The following TSPAN9 variants were observed in gnomAD, a reference collection of about 807,000 sequenced individuals.
TSPAN9 encodes tetraspanin 9, also known as tetraspanin-9.
TSPAN9 carries 16 observed loss-of-function variants against 31.0 expected under a neutral mutation model. The ratio of observed to expected loss-of-function variants is 0.52; its 90% CI spans 0.35 to 0.78. The LOEUF (loss-of-function observed/expected upper bound fraction) is 0.78, where lower values mean the gene tolerates loss of function less well. Among genes scored for constraint, TSPAN9 ranks in the 30% least tolerant of loss-of-function variants. TSPAN9 has a pLI of 0.01. For missense variants in TSPAN9, 272 were observed against 312.5 expected (o/e 0.87, Z 0.98); for synonymous variants, 145 against 121.6 (o/e 1.19, Z -1.27).
chr12:3,196,657 C>G (rs1208018162), intron 2 of TSPAN9, among the ~76,000 whole-genome samples: 1 of 152,160 alleles, frequency 6.6e-6, no homozygotes, highest in Non-Finnish European at 1.5e-5. Flanking sequence ...GATGGGACTT[C>G]ACTACAGCTT....
At chr12:3,086,145 G>C (rs1023139957) in intron 2 of TSPAN9, among the ~76,000 whole-genome samples, 2 of 152,174 alleles carry the variant, frequency 1.3e-5, no homozygotes, top group Non-Finnish European at 2.9e-5. Context: ...ATATCTGCCT[G>C]GAGCAGGTTA....
chr12:3,081,808 T>TTGTGTGTGTG lies in TSPAN9; in HGVS notation c.-84-1827_-84-1818dup, dbSNP rs985080707. Among the ~76,000 whole-genome samples the TTGTGTGTGTG allele has an allele frequency of 1.9e-4, 11 of 58,462 alleles. 1 individual carries two copies. Among genetic ancestry groups the TTGTGTGTGTG allele is most frequent in the South Asian group, 7.0e-4 (1 of 1,428 alleles). The allele number at this position is 58,462 out of a possible 152,430, so 38.4% of individuals were successfully genotyped here. The stretch of plus-strand genomic sequence containing the variant: ...TAGTGAGGCCTCTGTATCTAAAAAA[T>TTGTGTGTGTG]TGTGTGTGTGTGTGTGTGTGTGTGT... On this transcript the variant is annotated intron_variant, in intron 1 of 8. Transcript: ENST00000011898.
At chr12:3,098,307 G>A (rs918442924) in intron 2 of TSPAN9, among the ~76,000 whole-genome samples, 1 of 152,204 alleles carries the variant, frequency 6.6e-6, no homozygotes, top group African/African-American at 2.4e-5. Flanking sequence ...CTCTGTCTTT[G>A]TTCCAAATTG....
intron 2 of TSPAN9, among the ~76,000 whole-genome samples, chr12:3,188,335 G>A (rs1344368852): frequency 2.0e-5 from 3 of 152,220 alleles, no homozygotes; most frequent in Non-Finnish European, 2.9e-5. Context: ...TCTGTGCCCT[G>A]CCAGGCTCCT....
intron 2 of TSPAN9, among the ~76,000 whole-genome samples, chr12:3,132,789 G>T (rs2098330378): frequency 6.6e-6 from 1 of 152,072 alleles, no homozygotes; most frequent in Non-Finnish European, 1.5e-5. Context: ...AGCTTCCCAG[G>T]CTCAGGTTCT....
chr12:3,121,482 C>A (rs1168620252), intron 2 of TSPAN9, among the ~76,000 whole-genome samples: 6 of 150,080 alleles, frequency 4.0e-5, no homozygotes, highest in Non-Finnish European at 7.4e-5. Context: ...ACCTCAGCCT[C>A]CTGAGTAGCT....
chr12:3,223,694 A>C (rs1201971349), intron 3 of TSPAN9, among the ~76,000 whole-genome samples: 1 of 152,006 alleles, frequency 6.6e-6, no homozygotes, highest in African/African-American at 2.4e-5. Context: ...GAAGGGGAAC[A>C]CTCCTTATGG....
chr12:3,123,170 A>G (rs1041522907), intron 2 of TSPAN9, among the ~76,000 whole-genome samples: 2 of 152,206 alleles, frequency 1.3e-5, no homozygotes, highest in African/African-American at 4.8e-5. Context: ...TCGACGAACA[A>G]CAGGAGATTT....
At chr12:3,106,523 G>T (rs762055145) in intron 2 of TSPAN9, among the ~76,000 whole-genome samples, 1 of 152,084 alleles carries the variant, frequency 6.6e-6, no homozygotes, top group Non-Finnish European at 1.5e-5. Flanking sequence ...TAATCCCAGC[G>T]CTTGGGGAGG....
intron 3 of TSPAN9, among the ~76,000 whole-genome samples, chr12:3,233,546 C>T (rs1307527297): frequency 6.6e-6 from 1 of 152,226 alleles, no homozygotes; most frequent in Non-Finnish European, 1.5e-5. Context: ...CTACATGTAG[C>T]TTTCTGTAGC....
intron 2 of TSPAN9, among the ~76,000 whole-genome samples, chr12:3,167,378 T>G (rs1364770055): frequency 6.6e-6 from 1 of 152,218 alleles, no homozygotes; most frequent in East Asian, 1.9e-4. Context: ...ACAGAGAGAC[T>G]ACGACACATT....
intron 3 of TSPAN9, among the ~76,000 whole-genome samples, chr12:3,268,753 CGTGCGTTTCTGCAGCCTGCCCTCT>C (rs1862598412): frequency 1.4e-5 from 1 of 71,950 alleles, no homozygotes; most frequent in Non-Finnish European, 2.8e-5. Context: ...GCCTGCCCTC[CGTGCGTTTCTGCAGCCTGCCCTCT>C]CTGTGTTCCT....
At chr12:3,099,000 G>A (rs980101277) in intron 2 of TSPAN9, among the ~76,000 whole-genome samples, 11 of 152,114 alleles carry the variant, frequency 7.2e-5, no homozygotes, top group Non-Finnish European at 1.5e-4. Flanking sequence ...TGATCCACCT[G>A]CCTTGGCTCT....
At chr12:3,262,229 C>T (rs547140378) in intron 3 of TSPAN9, among the ~76,000 whole-genome samples, 1 of 152,350 alleles carries the variant, frequency 6.6e-6, no homozygotes, top group African/African-American at 2.4e-5. Flanking sequence ...TAAATCCCTC[C>T]ACTTGCAGTG....
At chr12:3,275,636 G>A (rs527444840) in intron 3 of TSPAN9, among the ~76,000 whole-genome samples, 38 of 152,266 alleles carry the variant, frequency 2.5e-4, no homozygotes, top group Non-Finnish European at 4.1e-4. Context: ...CCTAGTGGCC[G>A]TAGGCGGGGC....
At chr12:3,131,128 G>GAA (rs144013286) in intron 2 of TSPAN9, among the ~76,000 whole-genome samples, 6,789 of 140,338 alleles carry the variant, frequency 0.048, 492 homozygotes, top group African/African-American at 0.16. Context: ...CCACTTTTGG[G>GAA]GAAAAAAAAA....
intron 3 of TSPAN9, among the ~76,000 whole-genome samples, chr12:3,213,159 C>T (rs554857548): frequency 1.6e-4 from 25 of 152,312 alleles, no homozygotes; most frequent in South Asian, 4.1e-4. Context: ...CATTAAAGAA[C>T]GCCAGGTGGA....
chr12:3,085,768 GT>G (rs1157616706), intron 2 of TSPAN9, among the ~76,000 whole-genome samples: 2 of 152,224 alleles, frequency 1.3e-5, no homozygotes, highest in Non-Finnish European at 2.9e-5. Flanking sequence ...GTATGCCTGG[GT>G]TTTGGCTTCC....
At chr12:3,088,068 G>T (rs1232771081) in intron 2 of TSPAN9, among the ~76,000 whole-genome samples, 1 of 152,254 alleles carries the variant, frequency 6.6e-6, no homozygotes, top group Non-Finnish European at 1.5e-5. Context: ...GCTCAGAGGG[G>T]CAGGGTGCCC....
Sources: gnomAD v4.1 joint callset for allele counts (sites outside exome capture counted in the v4.1 genomes callset) on GRCh38, gnomAD v4.1.1 for gene constraint, MANE v1.5 for transcripts, NCBI Gene and HGNC (gene_info 2026-07-23, HGNC 2026-07-21) for gene names.